Variants in NAALADL2 observed in about 807,000 individuals in gnomAD.
The protein encoded by NAALADL2 is inactive N-acetylated-alpha-linked acidic dipeptidase-like protein 2.
A neutral mutation model predicts 87.2 loss-of-function variants in NAALADL2; 76 were observed. The ratio of observed to expected loss-of-function variants is 0.87; its 90% CI spans 0.72 to 1.05. NAALADL2 has a LOEUF of 1.05. Among genes scored for constraint, NAALADL2 ranks in the 50% least tolerant of loss-of-function variants. The probability of loss-of-function intolerance (pLI) is 0.00; values close to 1 mark genes in which losing one functional copy is unlikely to be tolerated. For missense variants in NAALADL2, 1,089 were observed against 945.8 expected, an observed-to-expected ratio of 1.15 and a Z score of -1.99; for synonymous variants, 354 against 331.0, an observed-to-expected ratio of 1.07 and a Z score of -0.75.
At chr3:175,163,970 C>T (rs746970247) in intron 2 of NAALADL2, among the ~76,000 whole-genome samples, 5 of 152,154 alleles carry the variant, frequency 3.3e-5, no homozygotes, top group South Asian at 4.1e-4. Flanking sequence ...GGCATTTTGC[C>T]GGGAATATCT....
intron 2 of NAALADL2, among the ~76,000 whole-genome samples, chr3:175,172,835 A>T (rs905956137): frequency 9.2e-5 from 14 of 152,128 alleles, no homozygotes; most frequent in African/African-American, 3.1e-4. Flanking sequence ...TACTTGGCGA[A>T]CTTTAATACT....
At chr3:174,933,815 A>G (rs909012725) in intron 1 of NAALADL2, among the ~76,000 whole-genome samples, 1 of 152,298 alleles carries the variant, frequency 6.6e-6, no homozygotes, top group Non-Finnish European at 1.5e-5. Context: ...AAATTGAGAG[A>G]TATGGTCCCA....
Position 174,696,604 on chromosome 3 carries a change from A to G in NAALADL2, c.-114-41037A>G, listed in dbSNP as rs1377089995. 2.3e-3 allele frequency among the ~76,000 whole-genome samples: 342 copies of G among 150,442 alleles called. 2 individuals are homozygous for G. Among genetic ancestry groups the G allele is most frequent in the Middle Eastern group, 3.5e-3 (1 of 288 alleles). On this transcript the variant is annotated intron_variant, in intron 2 of 3. Transcript: ENST00000434257. ...CAGGTGTAGTTATCTAAAAAAAAAAAAAAAAAAAAAAAAGCCCTACTTATT... is the reference window on the plus strand; with the variant it reads ...CAGGTGTAGTTATCTAAAAAAAAAAGAAAAAAAAAAAAAGCCCTACTTATT...
At chr3:175,536,163 G>A (rs1014247918) in intron 9 of NAALADL2, among the ~76,000 whole-genome samples, 2 of 152,222 alleles carry the variant, frequency 1.3e-5, no homozygotes, top group Admixed American at 6.5e-5. Flanking sequence ...CCCTTGAATC[G>A]TGCTTAAAAT....
At chr3:174,494,611 C>T (rs1718401648) in intron 1 of NAALADL2, among the ~76,000 whole-genome samples, 1 of 107,812 alleles carries the variant, frequency 9.3e-6, no homozygotes, top group East Asian at 2.3e-4. Flanking sequence ...TACCCTAGAA[C>T]TTAAAGTATT....
rs56064189 is a variant in NAALADL2, at chr3:175,423,168, A to AG, written c.1091-24053dup. 2.9e-4 allele frequency among the ~76,000 whole-genome samples: 41 copies of AG among 141,476 alleles called. 1 individual carries two copies. Among genetic ancestry groups the AG allele is most frequent in the African/African-American group, 9.3e-4 (35 of 37,834 alleles). 92.8% of individuals were successfully genotyped at this position (141,476 alleles called of 152,430 possible). On this transcript the variant is annotated intron_variant, in intron 5 of 13. Transcript: ENST00000454872. ...CTAAGGTAAATGTTCTAAGAAAGGG[A>AG]GGGGGGGGTCTCTTCTTTTTTTGCA...
At chr3:175,753,456 C>T (rs1174087373) in intron 12 of NAALADL2, among the ~76,000 whole-genome samples, 2 of 152,010 alleles carry the variant, frequency 1.3e-5, no homozygotes, top group Non-Finnish European at 2.9e-5. Context: ...TGAATTTCAA[C>T]ACGGTGCTGG....
intron 1 of NAALADL2, among the ~76,000 whole-genome samples, chr3:174,475,937 T>C (rs527938388): frequency 6.6e-6 from 1 of 152,130 alleles, no homozygotes; most frequent in South Asian, 2.1e-4. Context: ...ATACAAGGGA[T>C]AAGTGCCATT....
chr3:174,613,762 G>T (rs916563844), intron 2 of NAALADL2, among the ~76,000 whole-genome samples: 4 of 152,178 alleles, frequency 2.6e-5, no homozygotes, highest in Non-Finnish European at 5.9e-5. Context: ...GAGTCCATTT[G>T]GTAGTCTACC....
intron 3 of NAALADL2, 34 bp downstream of exon 3, chr3:175,234,238 G>A: frequency 1.3e-6 from 2 of 1,589,794 alleles, no homozygotes; most frequent in Non-Finnish European, 1.7e-6. Context: ...CATTTACAGT[G>A]AGATGGAATT....
intron 1 of NAALADL2, among the ~76,000 whole-genome samples, chr3:175,012,067 G>C (rs1455624374): frequency 6.6e-6 from 1 of 152,208 alleles, no homozygotes; most frequent in Admixed American, 6.5e-5. Flanking sequence ...GTTTGGGCAT[G>C]CTGAGTTTCT....
At chr3:174,618,559 C>T (rs937724555) in intron 2 of NAALADL2, among the ~76,000 whole-genome samples, 2 of 151,710 alleles carry the variant, frequency 1.3e-5, no homozygotes, top group African/African-American at 4.8e-5. Context: ...AGAACTCAAC[C>T]TTGGATTAAT....
chr3:175,641,437 C>T (rs1214011262), intron 11 of NAALADL2, among the ~76,000 whole-genome samples: 1 of 152,084 alleles, frequency 6.6e-6, no homozygotes, highest in Non-Finnish European at 1.5e-5. Flanking sequence ...AGGGTAGAAA[C>T]TAGGTCTGTT....
chr3:175,307,637 T>G (rs1234473633), intron 4 of NAALADL2, among the ~76,000 whole-genome samples: 1 of 152,202 alleles, frequency 6.6e-6, no homozygotes, highest in Non-Finnish European at 1.5e-5. Flanking sequence ...ATAAATTAAG[T>G]AAAGCTTATT....
chr3:174,677,492 TAC>T (rs1320635412), intron 2 of NAALADL2, among the ~76,000 whole-genome samples: 1 of 152,110 alleles, frequency 6.6e-6, no homozygotes, highest in Non-Finnish European at 1.5e-5. Context: ...AACATTCTTA[TAC>T]ACAGTCAATT....
In NAALADL2 at chr3:174,742,461, A is replaced by G. The variant is rs1005956474; in HGVS notation, c.-9+4715A>G. Among the ~76,000 whole-genome samples the G allele has an allele frequency of 2.0e-5, 3 of 151,744 alleles. No individual in the cohort carries two copies. The East Asian group carries it at 5.8e-4, about 29-fold the overall frequency. ...GTCAGTTTTTTAGAGCCAACCTAGT[A>G]CCTATTCATATCATGCCAGACCAAA... On this transcript the variant is annotated intron_variant, in intron 3 of 3. Coordinates refer to the NAALADL2 transcript ENST00000434257.
At chr3:174,492,258 A>G (rs1718244327) in intron 1 of NAALADL2, among the ~76,000 whole-genome samples, 1 of 150,252 alleles carries the variant, frequency 6.7e-6, no homozygotes, top group Non-Finnish European at 1.5e-5. Flanking sequence ...CAACAACAGC[A>G]AGACTCCGTC....
intron 13 of NAALADL2, 108 bp from the exon 14 acceptor site, chr3:175,802,893 AATTT>A: frequency 1.3e-5 from 9 of 685,108 alleles, no homozygotes; most frequent in Non-Finnish European, 2.0e-5. Context: ...ATATTTTTAT[AATTT>A]ATTCATTTAT....
In NAALADL2 at chr3:175,391,222, C is replaced by T. The variant is rs750996621; in HGVS notation, c.1091-56007C>T. Among the ~76,000 whole-genome samples the T allele has an allele frequency of 5.3e-5, 8 of 152,168 alleles. No individual in the cohort carries two copies. In the South Asian group the frequency reaches 1.0e-3, roughly 20 times the overall value. ...CTTTCTCTTCTCTATAACCACATACCTCATGTTGGGATTATTTAGCTATAT... is the reference window on the plus strand; with the variant it reads ...CTTTCTCTTCTCTATAACCACATACTTCATGTTGGGATTATTTAGCTATAT... On this transcript the variant is annotated intron_variant, in intron 5 of 13. Coordinates refer to ENST00000454872, the MANE Select transcript of NAALADL2 (RefSeq NM_207015.3).
Sources: gnomAD v4.1 joint callset for allele counts (sites outside exome capture counted in the v4.1 genomes callset) on GRCh38, gnomAD v4.1.1 for gene constraint, MANE v1.5 for transcripts, NCBI Gene and HGNC (gene_info 2026-07-23, HGNC 2026-07-21) for gene names.